The following LDLRAP1 variants were observed in gnomAD, a reference collection of about 807,000 sequenced individuals.
LDLRAP1 encodes the protein low density lipoprotein receptor adaptor protein 1.
LDLRAP1 carries 30 observed loss-of-function variants against 37.8 expected under a neutral mutation model. The observed-to-expected ratio is 0.79, with a 90% CI of 0.59 to 1.08. LDLRAP1 has a LOEUF of 1.08. Among genes scored for constraint, LDLRAP1 ranks in the 50% least tolerant of loss-of-function variants. LDLRAP1 has a pLI of 0.00. For missense variants in LDLRAP1, 375 were observed against 401.6 expected (o/e 0.93, Z 0.57); for synonymous variants, 156 against 169.8 (o/e 0.92, Z 0.63).
chr1:25,580,928 A>G, the LDLRAP1 span, among the ~76,000 whole-genome samples: 4 of 152,190 alleles, frequency 2.6e-5, no homozygotes, highest in South Asian at 4.1e-4. Context: ...AGAACCCGGC[A>G]GGACACCATG....
the LDLRAP1 span, among the ~76,000 whole-genome samples, chr1:25,582,545 A>T: frequency 6.6e-6 from 1 of 151,380 alleles, no homozygotes; most frequent in Non-Finnish European, 1.5e-5. Flanking sequence ...AGATCGTGCC[A>T]CTGCACTCCA....
At chr1:25,547,280 C>A (rs571356740) in intron 1 of LDLRAP1, among the ~76,000 whole-genome samples, 2 of 151,834 alleles carry the variant, frequency 1.3e-5, no homozygotes, top group African/African-American at 4.8e-5. Context: ...GTCAAGAGTT[C>A]GAGACCAGCC....
chr1:25,545,605 C>T (rs1245672184), intron 1 of LDLRAP1, among the ~76,000 whole-genome samples: 3 of 152,138 alleles, frequency 2.0e-5, no homozygotes, highest in Non-Finnish European at 4.4e-5. Flanking sequence ...AGCCTGTCTG[C>T]ACCTTTGGAG....
chr1:25,563,625 G>T (rs1206303169), intron 6 of LDLRAP1, 36 bp from the exon 7 acceptor site: 4 of 1,611,428 alleles, frequency 2.5e-6, no homozygotes, highest in Non-Finnish European at 3.4e-6. Flanking sequence ...GGAAGAGGCT[G>T]ATCTCCCACT....
intron 1 of LDLRAP1, among the ~76,000 whole-genome samples, chr1:25,547,486 T>TAATTAATA (rs71577782): frequency 4.1e-5 from 6 of 145,752 alleles, no homozygotes; most frequent in Admixed American, 6.9e-5. Flanking sequence ...TTGTCTCAAA[T>TAATTAATA]AATAAATAAA....
chr1:25,543,833 C>T (rs2043862304), intron 1 of LDLRAP1, 47 bp downstream of exon 1: 1 of 1,154,790 alleles, frequency 8.7e-7, no homozygotes, highest in Non-Finnish European at 1.1e-6. Context: ...CGGGCAGAGG[C>T]GCGCGGGGCC....
the LDLRAP1 span, among the ~76,000 whole-genome samples, chr1:25,587,890 A>G: frequency 0.1 from 15,678 of 152,048 alleles, 1,804 homozygotes; most frequent in African/African-American, 0.25. Flanking sequence ...TACTGTGTCT[A>G]TGTAGAAAGA....
At chr1:25,587,776 G>A in the LDLRAP1 span, among the ~76,000 whole-genome samples, 3 of 152,126 alleles carry the variant, frequency 2.0e-5, no homozygotes, top group Non-Finnish European at 4.4e-5. Context: ...AGGACTCTGG[G>A]TGCAGTCACA....
downstream of LDLRAP1, among the ~76,000 whole-genome samples, chr1:25,570,838 G>A (rs144585324): frequency 2.4e-4 from 36 of 152,200 alleles, no homozygotes; most frequent in African/African-American, 8.2e-4. Flanking sequence ...CAGCCTGGGC[G>A]ACAGAATGAG....
Position 25,544,899 on chromosome 1 carries a change from C to T in LDLRAP1, c.88+1113C>T, listed in dbSNP as rs548488364. On this transcript the variant is annotated intron_variant, in intron 1 of 8. Coordinates refer to ENST00000374338, the MANE Select transcript of LDLRAP1 (RefSeq NM_015627.3). The surrounding 1 kb of genome is among the most constrained non-coding windows in gnomAD (Gnocchi z 4.8). ...CTTACAGGGCTCTGCCAGGGGAGCC[C>T]GAGCTCCCTGGTCCAAGGAGTGCCA... 6.6e-6 allele frequency among the ~76,000 whole-genome samples: 1 copy of T among 152,358 alleles called. No individual in the cohort carries two copies. The highest frequency in any genetic ancestry group is 1.9e-4 in the East Asian group (1 of 5,182).
chr1:25,567,014 CAAGCGGCCCTGACACGTGATGGACCA>C lies in LDLRAP1; in HGVS notation c.*27_*52del, dbSNP rs760230344. 4.8e-5 allele frequency: 78 copies of C among 1,613,092 alleles called. No homozygotes were observed. Among genetic ancestry groups the C allele is most frequent in the Non-Finnish European group, 6.6e-5 (78 of 1,180,002 alleles). On this transcript the variant is annotated 3_prime_UTR_variant, in exon 9 of 9. Transcript: ENST00000374338. ...CTGAGGGCCCGGGGCCAGCCGGACACAAGCGGCCCTGACACGTGATGGACCAAAGCCACCTGCTGCGGGGGAGCCAG... is the reference window on the plus strand; with the variant it reads ...CTGAGGGCCCGGGGCCAGCCGGACACAAGCCACCTGCTGCGGGGGAGCCAG...
chr1:25,551,635 A>G (rs2044073489), intron 1 of LDLRAP1, among the ~76,000 whole-genome samples: 1 of 152,202 alleles, frequency 6.6e-6, no homozygotes, highest in South Asian at 2.1e-4. Context: ...CACTCAACCC[A>G]GGACTGGGGA....
chr1:25,543,654 A>T lies in LDLRAP1; in HGVS notation c.-45A>T. The stretch of plus-strand genomic sequence containing the variant: ...AGGGCCGGGCGGAAAGTTTTTCCTG[A>T]CGGAGTTTTGGCTGCGGCAGCGGCG... On this transcript the variant is annotated 5_prime_UTR_variant, in exon 1 of 9. Coordinates refer to ENST00000374338, the MANE Select transcript of LDLRAP1 (RefSeq NM_015627.3). 2.5e-6 allele frequency: 3 copies of T among 1,186,890 alleles called. No homozygotes were observed. Among genetic ancestry groups the T allele is most frequent in the Non-Finnish European group, 3.1e-6 (3 of 953,538 alleles). 73.5% of individuals were successfully genotyped at this position (1,186,890 alleles called of 1,614,324 possible). A position where few individuals can be genotyped will look rare whatever the true frequency, so the allele number is the denominator to read the frequency against.
At chr1:25,584,674 T>C in the LDLRAP1 span, among the ~76,000 whole-genome samples, 6 of 152,226 alleles carry the variant, frequency 3.9e-5, no homozygotes, top group Non-Finnish European at 8.8e-5. Flanking sequence ...TGAAGCTTCA[T>C]ATCCCTGAAG....
chr1:25,554,950 A>G lies in LDLRAP1; in HGVS notation c.322A>G (p.Ile108Val), dbSNP rs1408606010. 1 of 1,606,214 alleles carries G rather than the reference A, an allele frequency of 6.2e-7. No homozygotes were observed. The highest frequency in any genetic ancestry group is 8.5e-7 in the Non-Finnish European group (1 of 1,172,712). The change falls in exon 3 of 9, where the codon ATT (isoleucine) becomes GTT (valine). Residue 108 changes from isoleucine to valine, a missense_variant. Physicochemically the swap from Ile to Val is conservative, Grantham distance 29 (BLOSUM62 3). Coordinates refer to ENST00000374338, the MANE Select transcript of LDLRAP1 (RefSeq NM_015627.3). The surrounding 1 kb of genome is among the most constrained non-coding windows in gnomAD (Gnocchi z 5.4). ...ILTDNLTNQL[I>V]ENVSIYRISY... is the part of the protein sequence containing the mutation. ...GACAGACAACCTCACCAACCAGCTCATTGAGAACGTGTCCATATACAGGTA... is the reference window on the plus strand; with the variant it reads ...GACAGACAACCTCACCAACCAGCTCGTTGAGAACGTGTCCATATACAGGTA...
chr1:25,545,393 T>G (rs2043909746), intron 1 of LDLRAP1, among the ~76,000 whole-genome samples: 1 of 152,224 alleles, frequency 6.6e-6, no homozygotes, highest in Non-Finnish European at 1.5e-5. Context: ...AGCAAGTCAC[T>G]TGTCCTTTCT....
rs770098210 is a variant in LDLRAP1 at position 25,563,136 on chromosome 1, C to T, written c.599C>T (p.Thr200Ile). 12 of 1,613,788 alleles carry T rather than the reference C, an allele frequency of 7.4e-6. No individual in the cohort carries two copies. The Middle Eastern group carries it at 1.3e-3, about 178-fold the overall frequency. The change falls in exon 6 of 9, where the codon ACC becomes ATC. Residue 200 changes from threonine to isoleucine, a missense_variant. Coordinates refer to ENST00000374338, the MANE Select transcript of LDLRAP1 (RefSeq NM_015627.3). ...GDVLGARQDC[T>I]PSLKSLVATG... ...GTCCTGGGGGCCCGCCAAGACTGCACCCCCTCCTTGAAGAGCTGTGAGTCC... is the reference window on the plus strand; with the variant it reads ...GTCCTGGGGGCCCGCCAAGACTGCATCCCCTCCTTGAAGAGCTGTGAGTCC...
At chr1:25,562,806 C>T (rs997228228) in intron 5 of LDLRAP1, 90 bp downstream of exon 5, 15 of 1,142,232 alleles carry the variant, frequency 1.3e-5, no homozygotes, top group Admixed American at 1.8e-5. Context: ...CTTCCTGCCT[C>T]ATCACCCACC....
In LDLRAP1 at chr1:25,567,130, GC is replaced by G; in HGVS notation, c.*140del. ...TGTCAGCCTGAAGATCAGAGCTGCA[GC>G]CAGTCAGGCAGGGGAGAGATTTTTC... On this transcript the variant is annotated 3_prime_UTR_variant, in exon 9 of 9. Coordinates refer to ENST00000374338, the MANE Select transcript of LDLRAP1 (RefSeq NM_015627.3). 1 of 1,070,874 alleles carries G rather than the reference GC, an allele frequency of 9.3e-7. No individual in the cohort carries two copies. The highest frequency in any genetic ancestry group is 1.4e-6 in the Non-Finnish European group (1 of 719,136). The allele number at this position is 1,070,874 out of a possible 1,614,324, so 66.3% of individuals were successfully genotyped here. A position where few individuals can be genotyped will look rare whatever the true frequency, so the allele number is the denominator to read the frequency against.
Sources: allele counts gnomAD v4.1 joint callset (sites outside exome capture counted in the v4.1 genomes callset), GRCh38; gene constraint gnomAD v4.1.1; non-coding constraint Gnocchi (gnomAD v3.1); transcripts MANE v1.5; gene names NCBI Gene and HGNC (gene_info 2026-07-23, HGNC 2026-07-21).